PER2: variants seen among roughly 807,000 people sequenced by gnomAD.
PER2 encodes period circadian regulator 2.
In PER2, 66 loss-of-function variants were observed where a neutral mutation model predicts 121.0. The ratio of observed to expected loss-of-function variants is 0.55; its 90% confidence interval spans 0.45 to 0.67. The LOEUF (loss-of-function observed/expected upper bound fraction) is 0.67, where lower values mean the gene tolerates loss of function less well. Ranked by LOEUF, PER2 falls within the 30% of genes least tolerant of loss-of-function variation. The pLI is 0.00. For missense variants in PER2, 1,521 were observed against 1,635.0 expected (o/e 0.93, Z 1.20); for synonymous variants, 684 against 659.9 (o/e 1.04, Z -0.56).
intron 9 of PER2, among the ~76,000 whole-genome samples, chr2:238,263,347 T>G (rs7566587): frequency 0.061 from 9,228 of 152,320 alleles, 972 homozygotes; most frequent in African/African-American, 0.21. Flanking sequence ...TTTTGTTTTC[T>G]TCCTTCCAGC....
At chr2:238,255,968 G>A in intron 17 of PER2, 57 bp from the exon 18 acceptor site, 1 of 1,593,984 alleles carries the variant, frequency 6.3e-7, no homozygotes, top group East Asian at 2.2e-5. Context: ...TTATTTTAAG[G>A]CCACACTATA....
At chr2:238,250,877 C>T (rs1055372191) in intron 20 of PER2, 134 bp from the exon 21 acceptor site, 2 of 682,038 alleles carry the variant, frequency 2.9e-6, no homozygotes, top group South Asian at 3.3e-5. Context: ...TATGCCGGTG[C>T]ATGTTCCCCT....
At chr2:238,286,873 T>C (rs1696805277) in intron 1 of PER2, among the ~76,000 whole-genome samples, 3 of 152,246 alleles carry the variant, frequency 2.0e-5, no homozygotes, top group Admixed American at 6.5e-5. Context: ...GAATCTTTCC[T>C]TTTTCCTTGT....
Position 238,288,371 on chromosome 2 carries a change from G to A in PER2, c.-42C>T, listed in dbSNP as rs1696853634. The A allele has an allele frequency of 6.6e-6, 1 of 152,274 alleles. No individual in the cohort carries two copies. The highest frequency in any genetic ancestry group is 1.9e-4 in the East Asian group (1 of 5,190). The allele number at this position is 152,274 out of a possible 1,614,324, so 9.4% of individuals were successfully genotyped here. A position where few individuals can be genotyped will look rare whatever the true frequency, so the allele number is the denominator to read the frequency against. ...CACCTTTCGGACCTCAGGCTCCTGAGCTGCGAAGCGGGGGTTCGAGTCCCC... is the reference window on the plus strand; with the variant it reads ...CACCTTTCGGACCTCAGGCTCCTGAACTGCGAAGCGGGGGTTCGAGTCCCC... On this transcript the variant is annotated 5_prime_UTR_variant, in exon 1 of 23. Coordinates refer to ENST00000254657, the MANE Select transcript of PER2 (RefSeq NM_022817.3).
chr2:238,293,689 C>T (rs536574872), upstream of PER2, among the ~76,000 whole-genome samples: 3 of 147,316 alleles, frequency 2.0e-5, no homozygotes, highest in African/African-American at 7.7e-5. Flanking sequence ...GAGCCAAGAT[C>T]ATGCCACTGT....
rs200445345 is a variant in PER2, at chr2:238,281,006, C to CT, written c.-19-3052dup. ...ACATTTCCAGAAGACAATGTTTACA[C>CT]TTTTTTTTTTTTTTTTGAGAGGGAG... On this transcript the variant is annotated intron_variant, in intron 1 of 22. Coordinates refer to ENST00000254657, the MANE Select transcript of PER2 (RefSeq NM_022817.3). Among the ~76,000 whole-genome samples, 1,024 of 143,458 alleles carry CT rather than the reference C, an allele frequency of 7.1e-3. 6 individuals carry two copies. The highest frequency in any genetic ancestry group is 8.1e-3 in the Non-Finnish European group (528 of 65,350). The allele number at this position is 143,458 out of a possible 152,430, so 94.1% of individuals were successfully genotyped here.
At chr2:238,265,473 T>C (rs769507909) in intron 9 of PER2, 39 bp downstream of exon 9, 88 of 1,348,474 alleles carry the variant, frequency 6.5e-5, no homozygotes, top group Non-Finnish European at 9.1e-5. Context: ...AGCTTTTATA[T>C]CAAAAACATG....
rs1224398446 is a variant in PER2, at chr2:238,268,964, A to G, written c.783T>C (p.Thr261=). 1 of 1,611,422 alleles carries G rather than the reference A, an allele frequency of 6.2e-7. No homozygotes were observed. The highest frequency in any genetic ancestry group is 8.5e-7 in the Non-Finnish European group (1 of 1,177,472). Residue 261 remains threonine, a synonymous_variant, in exon 7 of 23, where the codon ACT becomes ACC. Coordinates refer to ENST00000254657, the MANE Select transcript of PER2 (RefSeq NM_022817.3). This position sits in a 1 kb window ranked among gnomAD's most constrained non-coding sequence, Gnocchi z 4.0. The stretch of plus-strand genomic sequence containing the variant: ...AAGATTTCTCCTCCATGCATTCTTG[A>G]GTAAAAGAATCTAAAAGAGAGAGCC... ...WSMCSGADSF[T]QECMEEKSFF...
Position 238,245,890 on chromosome 2 carries a change from T to G in PER2, c.*485A>C, listed in dbSNP as rs546741922. 1 of 370,354 alleles carries G rather than the reference T, an allele frequency of 2.7e-6. No individual in the cohort carries two copies. The highest frequency in any genetic ancestry group is 2.1e-5 in the African/African-American group (1 of 48,104). 22.9% of individuals were successfully genotyped at this position (370,354 alleles called of 1,614,324 possible). ...GAGAGGCTGCTATCTCCATTTGGTA[T>G]GTATAAAAAAACACTCTACCTTGAC... is the stretch of plus-strand genomic sequence containing the variant. On this transcript the variant is annotated 3_prime_UTR_variant, in exon 23 of 23. Transcript: ENST00000254657.
intron 4 of PER2, among the ~76,000 whole-genome samples, chr2:238,274,934 TG>T (rs1384075263): frequency 6.6e-6 from 1 of 152,156 alleles, no homozygotes; most frequent in Non-Finnish European, 1.5e-5. Flanking sequence ...CTTCCACACC[TG>T]GCTCAAGGGA....
chr2:238,289,574 C>A (rs2106337830), upstream of PER2: 1 of 152,382 alleles, frequency 6.6e-6, no homozygotes, highest in Non-Finnish European at 1.5e-5. Flanking sequence ...AAAGGACTAT[C>A]TCATAAAAAG....
chr2:238,298,770 G>A, the PER2 span: 2 of 152,252 alleles, frequency 1.3e-5, no homozygotes, highest in African/African-American at 4.8e-5. Flanking sequence ...GCATTGGGTG[G>A]TGCTTCCTGA....
chr2:238,252,873 G>C lies in PER2; in HGVS notation c.3111+39C>G, dbSNP rs367912194. ...GGCCGGCCTGCCAGGTGTGCTGTTT[G>C]CTGCCTGCTTTGGGGAAAGAGCATC... On this transcript the variant is annotated intron_variant, in intron 19 of 22. Transcript: ENST00000254657. This position sits in a 1 kb window ranked among gnomAD's most constrained non-coding sequence, Gnocchi z 4.2. 1.3e-6 allele frequency: 2 copies of C among 1,583,120 alleles called. No homozygotes were observed. Among genetic ancestry groups the C allele is most frequent in the Non-Finnish European group, 8.7e-7 (1 of 1,154,934 alleles).
At chr2:238,289,368 GCTCCGGGGGCACGCC>G (rs1696902212), upstream of PER2, 1 of 152,248 alleles carries the variant, frequency 6.6e-6, no homozygotes, top group Non-Finnish European at 1.5e-5. Flanking sequence ...CCCTGCAGCA[GCTCCGGGGGCACGCC>G]CACCCGGGCC....
At chr2:238,266,289 T>TC (rs1491336053) in intron 8 of PER2, among the ~76,000 whole-genome samples, 3 of 137,904 alleles carry the variant, frequency 2.2e-5, no homozygotes, top group African/African-American at 8.3e-5. Context: ...TTCAAATTTC[T>TC]TTTTTTTTTT....
rs1436692993 is a variant in PER2 at position 238,252,652 on chromosome 2, A to G, written c.3111+260T>C. Among the ~76,000 whole-genome samples the G allele has an allele frequency of 6.6e-6, 1 of 152,234 alleles. No homozygotes were observed. Among genetic ancestry groups the G allele is most frequent in the Non-Finnish European group, 1.5e-5 (1 of 68,042 alleles). On this transcript the variant is annotated intron_variant, in intron 19 of 22. Transcript: ENST00000254657. This position sits in a 1 kb window ranked among gnomAD's most constrained non-coding sequence, Gnocchi z 4.2. The stretch of plus-strand genomic sequence containing the variant: ...AAGCCCACAAATACTGTCAAGTCAC[A>G]TGCTGCTTTCTGGAGTCTGTATCAC...
At chr2:238,261,458 C>CA in intron 12 of PER2, 1 of 519,152 alleles carries the variant, frequency 1.9e-6, no homozygotes, top group Non-Finnish European at 3.5e-6. Flanking sequence ...CAGCCTGTGT[C>CA]AGAGCACGGG....
Position 238,273,014 on chromosome 2 carries a change from G to A in PER2, c.570+56C>T, listed in dbSNP as rs192832017. 4.3e-4 allele frequency: 685 copies of A among 1,579,690 alleles called. 1 individual carries two copies. The highest frequency in any genetic ancestry group is 5.5e-4 in the Non-Finnish European group (636 of 1,149,390). On this transcript the variant is annotated intron_variant, in intron 5 of 22. Coordinates refer to ENST00000254657, the MANE Select transcript of PER2 (RefSeq NM_022817.3). ...ACCGGCCGCAGTGCTGAGCTAGCTC[G>A]CCTGCAGGAGGAACTCCTGCCATTT... is the stretch of plus-strand genomic sequence containing the variant.
chr2:238,248,925 G>C, intron 22 of PER2, 137 bp downstream of exon 22: 1 of 916,896 alleles, frequency 1.1e-6, no homozygotes, highest in Admixed American at 1.7e-5. Flanking sequence ...AAAGTGCTGG[G>C]ATTACAGGCG....
Sources: gnomAD v4.1 joint callset for allele counts (sites outside exome capture counted in the v4.1 genomes callset) on GRCh38, gnomAD v4.1.1 for gene constraint, Gnocchi (gnomAD v3.1) non-coding constraint, MANE v1.5 for transcripts, NCBI Gene and HGNC (gene_info 2026-07-23, HGNC 2026-07-21) for gene names.